Variants in L3MBTL4 observed in about 807,000 individuals in gnomAD.
L3MBTL4 encodes L3MBTL histone methyl-lysine binding protein 4, also known as lethal(3)malignant brain tumor-like protein 4.
A neutral mutation model predicts 84.5 loss-of-function variants in L3MBTL4; 70 were observed. The observed-to-expected ratio is 0.83, with a 90% CI of 0.68 to 1.01. The LOEUF is 1.01. L3MBTL4 is among the 50% of genes least tolerant of loss of function. The pLI, the probability that L3MBTL4 is intolerant of heterozygous loss-of-function variation, is 0.00. For missense variants in L3MBTL4, 715 were observed against 754.8 expected, an observed-to-expected ratio of 0.95 and a Z score of 0.62; for synonymous variants, 274 against 259.8, an observed-to-expected ratio of 1.05 and a Z score of -0.52.
At chr18:6,232,619 C>G (rs2146005390) in intron 10 of L3MBTL4, among the ~76,000 whole-genome samples, 1 of 152,016 alleles carries the variant, frequency 6.6e-6, no homozygotes, top group South Asian at 2.1e-4. Flanking sequence ...AAGCAGGAGT[C>G]ATGAATAAAA....
intron 14 of L3MBTL4, among the ~76,000 whole-genome samples, chr18:6,100,993 T>C (rs2143852934): frequency 6.6e-6 from 1 of 152,234 alleles, no homozygotes; most frequent in African/African-American, 2.4e-5. Flanking sequence ...TGCCTTTCAT[T>C]GGGGGAGATG....
intron 16 of L3MBTL4, among the ~76,000 whole-genome samples, chr18:5,985,068 C>A (rs1197545732): frequency 5.9e-5 from 9 of 152,040 alleles, no homozygotes; most frequent in African/African-American, 2.2e-4. Context: ...CTGGCTGAAA[C>A]TAAGCAGCCT....
Position 6,143,670 on chromosome 18 carries a change from A to G in L3MBTL4, c.1097-5374T>C, listed in dbSNP as rs113497094. Among the ~76,000 whole-genome samples the G allele has an allele frequency of 4.7e-3, 709 of 152,316 alleles. 4 individuals carry two copies. The highest frequency in any genetic ancestry group is 0.016 in the African/African-American group (686 of 41,576). On this transcript the variant is annotated intron_variant, in intron 13 of 18. Transcript: ENST00000317931. ...GTCCTCAGCTCTAAATCACTTTTTC[A>G]GAAAGAGCATCTCTGACCATATGAC...
chr18:6,022,433 G>T (rs937046755), intron 16 of L3MBTL4, among the ~76,000 whole-genome samples: 5 of 152,154 alleles, frequency 3.3e-5, no homozygotes, highest in African/African-American at 1.2e-4. Context: ...TGCTTTTAAA[G>T]TCATTTTTTC....
At chr18:6,179,222 T>C (rs654920) in intron 12 of L3MBTL4, among the ~76,000 whole-genome samples, 1 of 152,318 alleles carries the variant, frequency 6.6e-6, no homozygotes, top group African/African-American at 2.4e-5. Context: ...ACTGTCAGAG[T>C]CCTCAAATCT....
intron 1 of L3MBTL4, among the ~76,000 whole-genome samples, chr18:6,352,740 T>A (rs892617248): frequency 5.9e-5 from 9 of 152,166 alleles, no homozygotes; most frequent in Non-Finnish European, 1.5e-5. Flanking sequence ...AATTTATCTA[T>A]TTCTTAGCTG....
intron 17 of L3MBTL4, among the ~76,000 whole-genome samples, chr18:5,966,577 C>T (rs943107085): frequency 2.0e-5 from 3 of 152,194 alleles, no homozygotes; most frequent in Admixed American, 6.5e-5. Context: ...ACCTTGGTAA[C>T]CTCTGCCTGC....
At chr18:6,305,860 T>C (rs969359002) in intron 3 of L3MBTL4, among the ~76,000 whole-genome samples, 1 of 152,336 alleles carries the variant, frequency 6.6e-6, no homozygotes, top group Non-Finnish European at 1.5e-5. Flanking sequence ...TCTACGTTTC[T>C]CTGTCTATGA....
intron 4 of L3MBTL4, among the ~76,000 whole-genome samples, chr18:6,272,917 T>G (rs1305502428): frequency 1.0e-5 from 1 of 98,834 alleles, no homozygotes; most frequent in East Asian, 3.1e-4. Flanking sequence ...TACAGAAGAG[T>G]TCTGACAGCC....
chr18:6,201,834 A>C (rs561279134), intron 12 of L3MBTL4, among the ~76,000 whole-genome samples: 1 of 152,316 alleles, frequency 6.6e-6, no homozygotes, highest in Non-Finnish European at 1.5e-5. Context: ...TAAATACCCC[A>C]TAAATATGTA....
At chr18:6,232,545 A>G (rs2047041222) in intron 10 of L3MBTL4, among the ~76,000 whole-genome samples, 1 of 152,064 alleles carries the variant, frequency 6.6e-6, no homozygotes, top group African/African-American at 2.4e-5. Flanking sequence ...TACTGATTCA[A>G]TCTATGAATC....
At chr18:6,258,811 G>C (rs1038154541) in intron 5 of L3MBTL4, 4 of 152,522 alleles carry the variant, frequency 2.6e-5, no homozygotes, top group Admixed American at 6.5e-5. Context: ...GAACGGGACT[G>C]GGTGGGAGAG....
chr18:6,327,292 A>G (rs1221601854), intron 1 of L3MBTL4, among the ~76,000 whole-genome samples: 1 of 152,198 alleles, frequency 6.6e-6, no homozygotes, highest in Non-Finnish European at 1.5e-5. Flanking sequence ...GAAAACCTCT[A>G]GCACATGTGC....
chr18:6,154,495 C>G (rs772462125), intron 13 of L3MBTL4, among the ~76,000 whole-genome samples: 2 of 152,058 alleles, frequency 1.3e-5, no homozygotes, highest in Non-Finnish European at 2.9e-5. Flanking sequence ...GGTATGAGCA[C>G]GAGATAGAAG....
chr18:6,235,322 A>G (rs1177533168), intron 10 of L3MBTL4, among the ~76,000 whole-genome samples: 2 of 152,196 alleles, frequency 1.3e-5, no homozygotes, highest in Non-Finnish European at 2.9e-5. Context: ...GTAACATAAT[A>G]AATACAAATT....
chr18:5,968,553 T>C (rs944573181), intron 17 of L3MBTL4, among the ~76,000 whole-genome samples: 2 of 151,850 alleles, frequency 1.3e-5, no homozygotes, highest in Non-Finnish European at 2.9e-5. Flanking sequence ...AAAAATTAGC[T>C]AGGTGTGGTG....
intron 10 of L3MBTL4, among the ~76,000 whole-genome samples, chr18:6,229,620 T>C (rs2145971508): frequency 6.6e-6 from 1 of 152,312 alleles, no homozygotes; most frequent in Admixed American, 6.5e-5. Context: ...GTTCTTAGGT[T>C]TTCTTATGTT....
chr18:6,181,194 A>G (rs2145350614), intron 12 of L3MBTL4, among the ~76,000 whole-genome samples: 1 of 152,092 alleles, frequency 6.6e-6, no homozygotes, highest in East Asian at 1.9e-4. Context: ...TTTTTTAAAA[A>G]CTTTTATATT....
intron 1 of L3MBTL4, among the ~76,000 whole-genome samples, chr18:6,331,807 G>A (rs1337729043): frequency 6.6e-6 from 1 of 152,094 alleles, no homozygotes; most frequent in Admixed American, 6.6e-5. Flanking sequence ...CTTTTTAGAA[G>A]TGAAAACTGG....
Sources: gnomAD v4.1 joint callset for allele counts (sites outside exome capture counted in the v4.1 genomes callset) on GRCh38, gnomAD v4.1.1 for gene constraint, MANE v1.5 for transcripts, NCBI Gene and HGNC (gene_info 2026-07-23, HGNC 2026-07-21) for gene names.